The following PDS5A variants were observed in gnomAD, a reference collection of about 807,000 sequenced individuals.
PDS5A encodes sister chromatid cohesion protein PDS5 homolog A.
Under a neutral mutation model 167.1 loss-of-function variants are expected in PDS5A, and 42 were observed. That is an observed-to-expected ratio of 0.25 (90% CI 0.20 to 0.33). The LOEUF (loss-of-function observed/expected upper bound fraction) is 0.33, where lower values mean the gene tolerates loss of function less well. Ranked by LOEUF, PDS5A falls within the 10% of genes least tolerant of loss-of-function variation. The pLI, the probability that PDS5A is intolerant of heterozygous loss-of-function variation, is 1.00. For missense variants in PDS5A, 1,033 were observed against 1,605.9 expected, an observed-to-expected ratio of 0.64 and a Z score of 6.10; for synonymous variants, 553 against 554.6, an observed-to-expected ratio of 1.00 and a Z score of 0.04.
intron 2 of PDS5A, among the ~76,000 whole-genome samples, chr4:39,972,054 G>A (rs769885186): frequency 6.6e-6 from 1 of 152,108 alleles, no homozygotes; most frequent in Non-Finnish European, 1.5e-5. Flanking sequence ...TGATATGAAC[G>A]TCGATTTTAA....
intron 11 of PDS5A, among the ~76,000 whole-genome samples, chr4:39,905,499 G>A (rs56332060): frequency 0.067 from 10,145 of 152,084 alleles, 598 homozygotes; most frequent in East Asian, 0.29. Flanking sequence ...CGGAGGTTGC[G>A]GTGAGCCAAG....
At chr4:39,854,970 T>C (rs921747812) in intron 26 of PDS5A, among the ~76,000 whole-genome samples, 2 of 152,168 alleles carry the variant, frequency 1.3e-5, no homozygotes, top group African/African-American at 2.4e-5. Flanking sequence ...AGGAGAAAGG[T>C]AATTATTAAA....
intron 16 of PDS5A, among the ~76,000 whole-genome samples, chr4:39,892,796 T>A (rs1403113571): frequency 6.6e-6 from 1 of 152,232 alleles, no homozygotes; most frequent in African/African-American, 2.4e-5. Flanking sequence ...ACCACTCATG[T>A]TGAAACTTGG....
At chr4:39,975,008 G>A (rs1020865878) in intron 2 of PDS5A, among the ~76,000 whole-genome samples, 2 of 151,710 alleles carry the variant, frequency 1.3e-5, no homozygotes, top group Non-Finnish European at 2.9e-5. Flanking sequence ...CTACTAGAGA[G>A]GCTGAGGCAG....
intron 23 of PDS5A, among the ~76,000 whole-genome samples, chr4:39,864,421 C>A (rs1361913967): frequency 1.3e-5 from 2 of 152,122 alleles, no homozygotes; most frequent in African/African-American, 4.8e-5. Context: ...ACCTATGAAG[C>A]CTTGGCACTC....
chr4:39,933,788 T>C (rs1726314524), intron 2 of PDS5A, among the ~76,000 whole-genome samples: 2 of 152,226 alleles, frequency 1.3e-5, no homozygotes, highest in South Asian at 4.1e-4. Flanking sequence ...ATTTTTAATG[T>C]GCTGTACTGA....
At chr4:39,839,671 C>T (rs1356530414) in intron 31 of PDS5A, among the ~76,000 whole-genome samples, 2 of 143,240 alleles carry the variant, frequency 1.4e-5, no homozygotes, top group Non-Finnish European at 3.0e-5. Context: ...TTAATGTACC[C>T]AAGGGTAATA....
intron 18 of PDS5A, among the ~76,000 whole-genome samples, chr4:39,877,415 C>T (rs1199269148): frequency 6.6e-6 from 1 of 152,126 alleles, no homozygotes; most frequent in African/African-American, 2.4e-5. Flanking sequence ...TTAGTCTACT[C>T]TGCTACTTAG....
At chr4:39,945,626 C>CA (rs1388894191) in intron 2 of PDS5A, among the ~76,000 whole-genome samples, 4 of 152,052 alleles carry the variant, frequency 2.6e-5, no homozygotes, top group Admixed American at 6.6e-5. Context: ...TTAGTTATAA[C>CA]TACTAAGTGA....
In PDS5A at chr4:39,914,116, G is replaced by A. The variant is rs377108588; in HGVS notation, c.877-390C>T. Among the ~76,000 whole-genome samples the A allele has an allele frequency of 2.0e-4, 30 of 149,734 alleles. No homozygotes were observed. The East Asian group carries it at 3.7e-3, about 18-fold the overall frequency. On this transcript the variant is annotated intron_variant, in intron 8 of 32. Transcript: ENST00000303538. The stretch of plus-strand genomic sequence containing the variant: ...ACTTTATAGGAAATCTGCAATTTAC[G>A]TTCCAACATAAACACACATCAATTA...
chr4:39,844,814 AC>A lies in PDS5A; in HGVS notation c.3403-14del, dbSNP rs1224783173. ...CAGCAGGCTTTGGCTAAAAACAAAA[AC>A]AAAAAACCCCCCAAAAACACACACG... On this transcript the variant is annotated splice_polypyrimidine_tract_variant and intron_variant, in intron 29 of 32. Transcript: ENST00000303538. 1 of 1,589,232 alleles carries A rather than the reference AC, an allele frequency of 6.3e-7. No individual in the cohort carries two copies.
chr4:39,847,263 A>G (rs983855095), intron 28 of PDS5A: 37 of 152,124 alleles, frequency 2.4e-4, no homozygotes, highest in African/African-American at 8.9e-4. Flanking sequence ...TATTCTATTC[A>G]TGATGGTCCT....
chr4:39,931,749 T>C (rs1356704617), intron 2 of PDS5A, among the ~76,000 whole-genome samples: 4 of 152,154 alleles, frequency 2.6e-5, no homozygotes, highest in African/African-American at 9.7e-5. Flanking sequence ...CCCCGTTCAG[T>C]GTTGCAGGGG....
At chr4:39,910,922 C>CAG (rs1723827868) in intron 9 of PDS5A, among the ~76,000 whole-genome samples, 1 of 152,092 alleles carries the variant, frequency 6.6e-6, no homozygotes, top group African/African-American at 2.4e-5. Context: ...TGCTTGCACT[C>CAG]AGGAGTTCAA....
Position 39,844,804 on chromosome 4 carries a change from A to G in PDS5A, c.3403-3T>C, listed in dbSNP as rs1291795365. ...CCTAGTACTCCAGCAGGCTTTGGCT[A>G]AAAACAAAAACAAAAAACCCCCCAA... On this transcript the variant is annotated splice_region_variant and splice_polypyrimidine_tract_variant and intron_variant, in intron 29 of 32. Transcript: ENST00000303538. 6.3e-7 allele frequency: 1 copy of G among 1,589,316 alleles called. No homozygotes were observed. Among genetic ancestry groups the G allele is most frequent in the Non-Finnish European group, 8.5e-7 (1 of 1,173,510 alleles).
chr4:39,841,140 ACT>A (rs1560418104), intron 31 of PDS5A, among the ~76,000 whole-genome samples: 1 of 151,982 alleles, frequency 6.6e-6, no homozygotes, highest in Non-Finnish European at 1.5e-5. Flanking sequence ...TATTTCAAAA[ACT>A]CTCAATTCCT....
chr4:39,873,224 A>G, intron 20 of PDS5A, 80 bp from the exon 21 acceptor site: 3 of 828,490 alleles, frequency 3.6e-6, no homozygotes, highest in Non-Finnish European at 5.1e-6. Context: ...CATTTTCCTG[A>G]GTCCTCCTGA....
chr4:39,917,051 T>C lies in PDS5A; in HGVS notation c.873A>G (p.Leu291=), dbSNP rs2109702299. Residue 291 remains leucine (L), a synonymous_variant, in exon 8 of 33, where the codon CTA becomes CTG. Coordinates refer to ENST00000303538, the MANE Select transcript of PDS5A (RefSeq NM_001100399.2). Reference sequence around the variant, plus strand: ...AAAGAAAACTGGTCAATCTTACCTTTAGTTTGAATTCAAGCTGTGGCATGA... The same window carrying C: ...AAAGAAAACTGGTCAATCTTACCTTCAGTTTGAATTCAAGCTGTGGCATGA... ...LSVMPQLEFK[L]KSNDGEERLA... The C allele has an allele frequency of 5.4e-6, 8 of 1,486,876 alleles. No individual in the cohort carries two copies. The highest frequency in any genetic ancestry group is 7.1e-6 in the Non-Finnish European group (8 of 1,122,992). The allele number at this position is 1,486,876 out of a possible 1,614,324, so 92.1% of individuals were successfully genotyped here.
At chr4:39,915,386 G>A (rs544611880) in intron 8 of PDS5A, among the ~76,000 whole-genome samples, 1 of 144,188 alleles carries the variant, frequency 6.9e-6, no homozygotes, top group South Asian at 2.2e-4. Flanking sequence ...CAAGGTCTGG[G>A]TGTGGCTCTA....
Sources: gnomAD v4.1 joint callset for allele counts (sites outside exome capture counted in the v4.1 genomes callset) on GRCh38, gnomAD v4.1.1 for gene constraint, MANE v1.5 for transcripts, NCBI Gene and HGNC (gene_info 2026-07-23, HGNC 2026-07-21) for gene names.